Variants in SRFBP1 observed in about 807,000 individuals in gnomAD.
The protein encoded by SRFBP1 is serum response factor-binding protein 1.
Under a neutral mutation model 45.5 loss-of-function variants are expected in SRFBP1, and 47 were observed. The ratio of observed to expected loss-of-function variants is 1.03; its 90% CI spans 0.82 to 1.32. The LOEUF (loss-of-function observed/expected upper bound fraction) is 1.32, where lower values mean the gene tolerates loss of function less well. Ranked by LOEUF, SRFBP1 falls within the 40% of genes most tolerant of loss-of-function variation. SRFBP1 has a pLI of 0.00. For missense variants in SRFBP1, 621 were observed against 484.6 expected (o/e 1.28, Z -2.64); for synonymous variants, 203 against 166.3 (o/e 1.22, Z -1.70).
chr5:121,994,528 C>T (rs6595336), intron 3 of SRFBP1, 71 bp from the exon 4 acceptor site: 970,401 of 973,712 alleles, frequency 1, 483,621 homozygotes, highest in East Asian at 1. Flanking sequence ...TCTTAAGATA[C>T]GGAAAGGAAC....
At chr5:121,965,396 T>C (rs888949797) in intron 1 of SRFBP1, among the ~76,000 whole-genome samples, 16 of 152,292 alleles carry the variant, frequency 1.1e-4, no homozygotes, top group African/African-American at 3.9e-4. Flanking sequence ...CCAGTTTCAG[T>C]TTTCTGCATA....
chr5:122,067,402 G>A (rs559171355), intron 2 of SRFBP1, among the ~76,000 whole-genome samples: 2 of 152,018 alleles, frequency 1.3e-5, no homozygotes, highest in South Asian at 4.2e-4. Context: ...AAGGAGAGAG[G>A]GTACATTAAC....
intron 1 of SRFBP1, among the ~76,000 whole-genome samples, chr5:121,962,337 G>A (rs1389612538): frequency 6.6e-6 from 1 of 152,182 alleles, no homozygotes; most frequent in Admixed American, 6.5e-5. Context: ...CAATATTCTC[G>A]TCTGTAAAGC....
At chr5:122,077,667 C>A, downstream of SRFBP1, 2 of 1,605,342 alleles carry the variant, frequency 1.2e-6, no homozygotes, top group South Asian at 1.1e-5. The surrounding 1 kb of genome is among the most constrained non-coding windows in gnomAD (Gnocchi z 4.9). Flanking sequence ...GATGAGCCGG[C>A]CGTCCGCGTT....
chr5:122,059,149 AG>A, intron 2 of SRFBP1, among the ~76,000 whole-genome samples: 1 of 152,250 alleles, frequency 6.6e-6, no homozygotes, highest in Admixed American at 6.5e-5. Flanking sequence ...ATTCCCCCAG[AG>A]AAAATGGTAG....
At chr5:122,044,599 A>G (rs1268010427) in intron 2 of SRFBP1, among the ~76,000 whole-genome samples, 1 of 152,084 alleles carries the variant, frequency 6.6e-6, no homozygotes, top group Non-Finnish European at 1.5e-5. Flanking sequence ...CATTTCTCAA[A>G]TGATTAGTGA....
intron 4 of SRFBP1, among the ~76,000 whole-genome samples, chr5:122,000,566 T>C (rs1752841714): frequency 6.6e-6 from 1 of 152,094 alleles, no homozygotes; most frequent in South Asian, 2.1e-4. Flanking sequence ...TATAGAATTC[T>C]GTGTTGATAG....
chr5:121,966,219 C>G (rs1024234224), intron 1 of SRFBP1, among the ~76,000 whole-genome samples: 1 of 152,140 alleles, frequency 6.6e-6, no homozygotes, highest in East Asian at 1.9e-4. Flanking sequence ...ACTTCCAATA[C>G]TAAGTATGTT....
intron 4 of SRFBP1, among the ~76,000 whole-genome samples, chr5:122,009,709 C>G (rs896286106): frequency 5.9e-5 from 9 of 152,154 alleles, no homozygotes; most frequent in Non-Finnish European, 1.5e-5. Flanking sequence ...GAAAGGATTA[C>G]CTTACCTATT....
At chr5:122,048,039 C>T (rs1043371144) in intron 2 of SRFBP1, among the ~76,000 whole-genome samples, 63 of 152,110 alleles carry the variant, frequency 4.1e-4, no homozygotes, top group African/African-American at 1.5e-3. Flanking sequence ...CCCTTTATTT[C>T]CTTCTCCTGC....
chr5:121,983,916 G>A (rs765799640), intron 3 of SRFBP1, among the ~76,000 whole-genome samples: 1 of 151,686 alleles, frequency 6.6e-6, no homozygotes, highest in Admixed American at 6.6e-5. Flanking sequence ...TCTGCCAGAT[G>A]GGATCTAATT....
intron 4 of SRFBP1, among the ~76,000 whole-genome samples, chr5:122,002,286 A>G (rs1293694990): frequency 6.6e-6 from 1 of 152,216 alleles, no homozygotes; most frequent in African/African-American, 2.4e-5. Context: ...TTTCATTAAC[A>G]TAGCAGGGTT....
intron 2 of SRFBP1, among the ~76,000 whole-genome samples, chr5:122,053,674 C>G (rs999099370): frequency 2.0e-5 from 3 of 152,106 alleles, no homozygotes; most frequent in Non-Finnish European, 4.4e-5. Context: ...CACCTGACTA[C>G]CAGTGGTGAG....
At chr5:122,077,403 G>T (rs1210661916), downstream of SRFBP1, 1 of 1,614,100 alleles carries the variant, frequency 6.2e-7, no homozygotes, top group Non-Finnish European at 8.5e-7. The surrounding 1 kb of genome is among the most constrained non-coding windows in gnomAD (Gnocchi z 4.9). Flanking sequence ...CTGCCCCCAG[G>T]TCTGGGCCTT....
intron 4 of SRFBP1, among the ~76,000 whole-genome samples, chr5:122,004,360 A>T (rs1357200679): frequency 1.3e-5 from 2 of 152,056 alleles, no homozygotes; most frequent in Non-Finnish European, 2.9e-5. Context: ...CAGTTGTCCC[A>T]GTACTGTTTA....
chr5:122,020,691 C>A lies in SRFBP1; in HGVS notation c.956C>A (p.Thr319Lys), dbSNP rs148023016. 1 of 1,613,946 alleles carries A rather than the reference C, an allele frequency of 6.2e-7. No individual in the cohort carries two copies. Among genetic ancestry groups the A allele is most frequent in the Admixed American group, 1.7e-5 (1 of 59,988 alleles). ...GAAAAAGTGTTTCTTAAAGAAGATA[C>A]AGGTGAAACTCATGGGGATACAAGA... is the stretch of plus-strand genomic sequence containing the variant. Reference protein sequence around the residue: ...PLEKVFLKEDTGETHGDTRND... With the variant: ...PLEKVFLKEDKGETHGDTRND... The change falls in exon 6 of 8, where the codon ACA (threonine) becomes AAA (lysine). Residue 319 changes from threonine to lysine, a missense_variant. Coordinates refer to ENST00000339397, the MANE Select transcript of SRFBP1 (RefSeq NM_152546.3).
chr5:122,057,272 A>G (rs367894982), intron 2 of SRFBP1, among the ~76,000 whole-genome samples: 1 of 152,198 alleles, frequency 6.6e-6, no homozygotes, highest in African/African-American at 2.4e-5. Flanking sequence ...GGCTTTTCTC[A>G]TGAAAGAGCA....
intron 2 of SRFBP1, chr5:122,070,217 A>G: frequency 9.6e-7 from 1 of 1,041,252 alleles, no homozygotes; most frequent in South Asian, 1.3e-5. Flanking sequence ...ATAGGGCTAC[A>G]ATAAGGAAAT....
chr5:122,062,588 G>A (rs531906100), intron 2 of SRFBP1, among the ~76,000 whole-genome samples: 70 of 152,170 alleles, frequency 4.6e-4, no homozygotes, highest in Non-Finnish European at 6.6e-4. Flanking sequence ...ATAGAAGCAG[G>A]ACATTTGTGG....
Sources: gnomAD v4.1 joint callset for allele counts (sites outside exome capture counted in the v4.1 genomes callset) on GRCh38, gnomAD v4.1.1 for gene constraint, Gnocchi (gnomAD v3.1) non-coding constraint, MANE v1.5 for transcripts, NCBI Gene and HGNC (gene_info 2026-07-23, HGNC 2026-07-21) for gene names.